Variants in GIT2 observed in about 807,000 individuals in gnomAD.
GIT2 encodes the protein ARF GTPase-activating protein GIT2.
A neutral mutation model predicts 100.3 loss-of-function variants in GIT2; 32 were observed. That is an observed-to-expected ratio of 0.32 (90% CI 0.24 to 0.43). The LOEUF (loss-of-function observed/expected upper bound fraction) is 0.43, where lower values mean the gene tolerates loss of function less well. Ranked by LOEUF, GIT2 falls within the 20% of genes least tolerant of loss-of-function variation. The pLI is 1.00. For synonymous variants in GIT2, 353 were observed against 364.1 expected (o/e 0.97, Z 0.35); for missense variants, 737 against 975.1 (o/e 0.76, Z 3.25).
chr12:109,974,540 A>G (rs1884640742), intron 7 of GIT2, among the ~76,000 whole-genome samples: 1 of 152,198 alleles, frequency 6.6e-6, no homozygotes, highest in African/African-American at 2.4e-5. Flanking sequence ...AAAAAGCAGC[A>G]TGTTGTTCAA....
At chr12:109,968,586 A>G (rs1402429746) in intron 7 of GIT2, among the ~76,000 whole-genome samples, 1 of 151,014 alleles carries the variant, frequency 6.6e-6, no homozygotes, top group African/African-American at 2.4e-5. Context: ...ACCACGCCCA[A>G]CTAATTTTGT....
intron 9 of GIT2, among the ~76,000 whole-genome samples, chr12:109,963,819 T>C (rs1034612382): frequency 6.6e-6 from 1 of 152,128 alleles, no homozygotes; most frequent in Admixed American, 6.5e-5. Context: ...CAACAAGTAA[T>C]GGGGCAGCCC....
At chr12:109,973,555 CCTT>C (rs1464755743) in intron 7 of GIT2, among the ~76,000 whole-genome samples, 1 of 152,108 alleles carries the variant, frequency 6.6e-6, no homozygotes, top group African/African-American at 2.4e-5. Flanking sequence ...TTTTACTAAT[CCTT>C]CTGAAAAACC....
Position 109,932,784 on chromosome 12 carries a change from C to A in GIT2, c.*194G>T. ...CAGAAACTAAACCAGCAAATAGGCA[C>A]AAAATAAGGCAAGTGGGTTAAATAG... On this transcript the variant is annotated 3_prime_UTR_variant, in exon 20 of 20. Coordinates refer to ENST00000355312, the MANE Select transcript of GIT2 (RefSeq NM_057169.5). 1 of 552,748 alleles carries A rather than the reference C, an allele frequency of 1.8e-6. No individual in the cohort carries two copies. The highest frequency in any genetic ancestry group is 3.0e-5 in the East Asian group (1 of 33,344). 34.2% of individuals were successfully genotyped at this position (552,748 alleles called of 1,614,324 possible).
At position 109,960,585 on chromosome 12, in the gene GIT2, G is replaced by GA. The variant is rs946573218; in HGVS notation, c.988-628dup. On this transcript the variant is annotated intron_variant, in intron 11 of 19. Transcript: ENST00000355312. ...AACAGAGCAAGACTCCGTCTCAAAA[G>GA]AAAAAAAAAATTTAAGTTAAACAAA... Among the ~76,000 whole-genome samples, 12 of 148,888 alleles carry GA rather than the reference G, an allele frequency of 8.1e-5. No individual in the cohort carries two copies. The South Asian group carries it at 2.1e-3, about 26-fold the overall frequency.
intron 4 of GIT2, among the ~76,000 whole-genome samples, chr12:109,985,059 G>T (rs773249643): frequency 1.3e-5 from 2 of 152,142 alleles, no homozygotes; most frequent in African/African-American, 4.8e-5. Context: ...ATCTAACCTA[G>T]AATTGTCCAA....
chr12:109,991,789 G>A (rs760637641), intron 1 of GIT2, 29 bp from the exon 2 acceptor site: 1 of 1,599,926 alleles, frequency 6.3e-7, no homozygotes, highest in Non-Finnish European at 8.5e-7. Context: ...CTCAGTGGCA[G>A]GGATACCAGC....
intron 14 of GIT2, among the ~76,000 whole-genome samples, chr12:109,949,591 T>C (rs897877229): frequency 1.3e-5 from 2 of 152,216 alleles, no homozygotes; most frequent in African/African-American, 4.8e-5. Context: ...TAAAAAGTTA[T>C]AGACAATTCA....
At chr12:109,970,411 T>TG (rs368953642) in intron 7 of GIT2, among the ~76,000 whole-genome samples, 229 of 152,236 alleles carry the variant, frequency 1.5e-3, no homozygotes, top group African/African-American at 5.4e-3. Flanking sequence ...AAGAATCACT[T>TG]GAACCCGGGA....
chr12:109,940,402 C>T (rs1346625626), intron 16 of GIT2: 1 of 152,162 alleles, frequency 6.6e-6, no homozygotes, highest in East Asian at 1.9e-4. Flanking sequence ...TAAGTGTGAG[C>T]TATTTCTAGC....
At chr12:109,958,310 C>T (rs561801745) in intron 12 of GIT2, among the ~76,000 whole-genome samples, 3 of 145,710 alleles carry the variant, frequency 2.1e-5, no homozygotes, top group South Asian at 2.2e-4. Context: ...GGTGTGATCT[C>T]GGCTCACTAC....
At chr12:109,943,780 A>T (rs1212825629) in intron 16 of GIT2, among the ~76,000 whole-genome samples, 1 of 148,758 alleles carries the variant, frequency 6.7e-6, no homozygotes, top group African/African-American at 2.5e-5. Context: ...TCGATCTCTC[A>T]TGGTGGGCTC....
Position 109,981,013 on chromosome 12 carries a change from G to C in GIT2, c.657C>G (p.Leu219=). Residue 219 remains leucine, a synonymous_variant, in exon 7 of 20, where the codon CTC becomes CTG. Transcript: ENST00000355312. ...CCGTTAGCTCATACTGTATTTCCAC[G>C]AGGCGCTCTGCCAGCTCATGGTGCC... ...QGGHHELAER[L]VEIQYELTDR... 6.2e-7 allele frequency: 1 copy of C among 1,612,912 alleles called. No individual in the cohort carries two copies. Among genetic ancestry groups the C allele is most frequent in the Non-Finnish European group, 8.5e-7 (1 of 1,178,966 alleles).
chr12:109,965,022 G>C (rs1461599064), intron 9 of GIT2, among the ~76,000 whole-genome samples: 1 of 152,176 alleles, frequency 6.6e-6, no homozygotes, highest in Non-Finnish European at 1.5e-5. Flanking sequence ...CATGGGCCAA[G>C]ACCACCAGCT....
chr12:109,946,414 C>T (rs1196325497), intron 15 of GIT2, among the ~76,000 whole-genome samples: 2 of 152,056 alleles, frequency 1.3e-5, no homozygotes, highest in Non-Finnish European at 2.9e-5. Flanking sequence ...CTTTGACACT[C>T]AAAAAGACAA....
chr12:109,935,434 G>GGAGTGCA (rs1872707593), intron 18 of GIT2, among the ~76,000 whole-genome samples: 1 of 152,138 alleles, frequency 6.6e-6, no homozygotes, highest in African/African-American at 2.4e-5. Flanking sequence ...CGCTCAGGCT[G>GGAGTGCA]GAGTGCAGTG....
intron 1 of GIT2, 156 bp downstream of exon 1, chr12:109,996,017 C>A (rs1889343601): frequency 2.0e-6 from 1 of 490,084 alleles, no homozygotes; most frequent in Admixed American, 4.3e-5. Flanking sequence ...CCGCCCGGCT[C>A]TGACAGGCCC....
chr12:109,978,969 T>A (rs531653632), intron 7 of GIT2, among the ~76,000 whole-genome samples: 1 of 152,330 alleles, frequency 6.6e-6, no homozygotes, highest in South Asian at 2.1e-4. Context: ...TTAAACTTTA[T>A]GCAAAAATGT....
At chr12:109,989,636 A>G in intron 3 of GIT2, 54 bp downstream of exon 3, 2 of 991,988 alleles carry the variant, frequency 2.0e-6, no homozygotes, top group Admixed American at 3.6e-5. Flanking sequence ...CACTCCTTTC[A>G]GTGGGCCCCA....
Sources: gnomAD v4.1 joint callset for allele counts (sites outside exome capture counted in the v4.1 genomes callset) on GRCh38, gnomAD v4.1.1 for gene constraint, MANE v1.5 for transcripts, NCBI Gene and HGNC (gene_info 2026-07-23, HGNC 2026-07-21) for gene names.